The following DPP6 variants were observed in gnomAD, a reference collection of about 807,000 sequenced individuals.
The protein encoded by DPP6 is A-type potassium channel modulatory protein DPP6.
DPP6 carries 69 observed loss-of-function variants against 122.6 expected under a neutral mutation model. The ratio of observed to expected loss-of-function variants is 0.56; its 90% CI spans 0.46 to 0.69. The LOEUF is 0.69. DPP6 is among the 30% of genes least tolerant of loss of function. The pLI, the probability that DPP6 is intolerant of heterozygous loss-of-function variation, is 0.00. For synonymous variants in DPP6, 418 were observed against 433.1 expected, an observed-to-expected ratio of 0.97 and a Z score of 0.43; for missense variants, 928 against 1,116.9, an observed-to-expected ratio of 0.83 and a Z score of 2.41.
chr7:153,780,870 A>G, the DPP6 span, among the ~76,000 whole-genome samples: 1 of 152,128 alleles, frequency 6.6e-6, no homozygotes, highest in African/African-American at 2.4e-5. Context: ...GGCCTTCAAT[A>G]AGAATGTTTT....
chr7:153,795,540 CAAAG>C, the DPP6 span, among the ~76,000 whole-genome samples: 1 of 152,100 alleles, frequency 6.6e-6, no homozygotes, highest in Non-Finnish European at 1.5e-5. Context: ...TGGATCTTCT[CAAAG>C]AACTAGCTTT....
chr7:154,292,693 G>C (rs1249082192), intron 1 of DPP6, among the ~76,000 whole-genome samples: 1 of 152,174 alleles, frequency 6.6e-6, no homozygotes, highest in Non-Finnish European at 1.5e-5. Context: ...AAATGCTTTA[G>C]AATAAAAGGA....
In DPP6 at chr7:154,602,013, T is replaced by A. The variant is rs904901690; in HGVS notation, c.627+35097T>A. Among the ~76,000 whole-genome samples the A allele has an allele frequency of 3.3e-5, 4 of 121,790 alleles. 1 individual carries two copies. Among genetic ancestry groups the A allele is most frequent in the African/African-American group, 1.0e-4 (4 of 38,292 alleles). The allele number at this position is 121,790 out of a possible 152,430, so 79.9% of individuals were successfully genotyped here. On this transcript the variant is annotated intron_variant, in intron 5 of 25. Transcript: ENST00000377770. ...CAAAAGTAATTGTGGTTCTTGCCAGTAAAAGTAATACTTGTTTCTTTATGC... is the reference window on the plus strand; with the variant it reads ...CAAAAGTAATTGTGGTTCTTGCCAGAAAAAGTAATACTTGTTTCTTTATGC...
intron 1 of DPP6, among the ~76,000 whole-genome samples, chr7:154,011,116 G>T (rs1391053137): frequency 6.6e-6 from 1 of 152,006 alleles, no homozygotes; most frequent in Non-Finnish European, 1.5e-5. Flanking sequence ...ATCTGCCCTG[G>T]GCCACAAATA....
chr7:154,671,629 G>A (rs565218206), intron 7 of DPP6, among the ~76,000 whole-genome samples: 2 of 148,572 alleles, frequency 1.3e-5, no homozygotes, highest in African/African-American at 4.9e-5. Flanking sequence ...AGGAGTTGCT[G>A]TGCATGCATA....
intron 1 of DPP6, among the ~76,000 whole-genome samples, chr7:153,914,002 C>G (rs1056391733): frequency 2.0e-5 from 3 of 152,156 alleles, no homozygotes; most frequent in Non-Finnish European, 4.4e-5. Flanking sequence ...TGAAAACTGA[C>G]TTATTTGGTG....
At chr7:153,838,825 A>G in the DPP6 span, among the ~76,000 whole-genome samples, 1 of 152,216 alleles carries the variant, frequency 6.6e-6, no homozygotes, top group South Asian at 2.1e-4. Flanking sequence ...TTAAACTAAA[A>G]TAAAGGAACA....
intron 7 of DPP6, among the ~76,000 whole-genome samples, chr7:154,700,814 C>T (rs146226996): frequency 0.016 from 2,423 of 151,480 alleles, 29 homozygotes; most frequent in Non-Finnish European, 0.026. Flanking sequence ...GTTGACCTAG[C>T]GAAGAAAATG....
the DPP6 span, among the ~76,000 whole-genome samples, chr7:153,798,859 A>C: frequency 1.3e-5 from 2 of 152,186 alleles, no homozygotes; most frequent in Non-Finnish European, 2.9e-5. Context: ...TCTCATAAGG[A>C]TCAGGTATTA....
chr7:154,099,539 C>T (rs1805584764), intron 1 of DPP6, among the ~76,000 whole-genome samples: 1 of 151,724 alleles, frequency 6.6e-6, no homozygotes, highest in Non-Finnish European at 1.5e-5. Context: ...TTCACATTTG[C>T]CCAAATAGCT....
chr7:154,512,401 A>G (rs2129820391), intron 3 of DPP6, among the ~76,000 whole-genome samples: 1 of 152,272 alleles, frequency 6.6e-6, no homozygotes, highest in Non-Finnish European at 1.5e-5. Context: ...GATAATTCTA[A>G]TGGTAATTTT....
chr7:154,419,623 G>T (rs1817294924), intron 1 of DPP6, among the ~76,000 whole-genome samples: 1 of 152,174 alleles, frequency 6.6e-6, no homozygotes, highest in Admixed American at 6.5e-5. Flanking sequence ...TCTCTTGAAG[G>T]GGTTACAGCC....
chr7:154,418,362 A>G (rs1433970248), intron 1 of DPP6, among the ~76,000 whole-genome samples: 1 of 152,244 alleles, frequency 6.6e-6, no homozygotes, highest in Non-Finnish European at 1.5e-5. Context: ...TTGTTTTATT[A>G]ATCTTTGTTT....
intron 1 of DPP6, among the ~76,000 whole-genome samples, chr7:154,074,098 TATAGAG>T (rs1284240142): frequency 1.4e-5 from 1 of 69,350 alleles, no homozygotes; most frequent in Non-Finnish European, 2.9e-5. Context: ...TAGAGATCTA[TATAGAG>T]ATAGAGAGAT....
chr7:154,774,890 G>C (rs1390330720), intron 10 of DPP6, among the ~76,000 whole-genome samples: 1 of 152,204 alleles, frequency 6.6e-6, no homozygotes, highest in African/African-American at 2.4e-5. Flanking sequence ...GTGGAAACGT[G>C]TGGAAGAGGA....
intron 1 of DPP6, among the ~76,000 whole-genome samples, chr7:154,021,382 G>T (rs1798692589): frequency 6.6e-6 from 1 of 152,184 alleles, no homozygotes; most frequent in Non-Finnish European, 1.5e-5. Context: ...GTACTCAGGG[G>T]TGCTGTGCTA....
intron 7 of DPP6, among the ~76,000 whole-genome samples, chr7:154,684,959 ACT>A (rs1325552973): frequency 6.6e-6 from 1 of 152,144 alleles, no homozygotes; most frequent in African/African-American, 2.4e-5. Flanking sequence ...AGATTAGTTG[ACT>A]CTGATAACTC....
At chr7:154,517,611 C>A (rs1826628109) in intron 3 of DPP6, among the ~76,000 whole-genome samples, 1 of 151,758 alleles carries the variant, frequency 6.6e-6, no homozygotes, top group Non-Finnish European at 1.5e-5. Context: ...TTGTTTAGTT[C>A]CTAGCATAAA....
At chr7:154,162,849 A>G (rs1255838801) in intron 1 of DPP6, among the ~76,000 whole-genome samples, 1 of 151,892 alleles carries the variant, frequency 6.6e-6, no homozygotes, top group Admixed American at 6.6e-5. Context: ...ACTAGCATTG[A>G]GTGGAACTTG....
Sources: gnomAD v4.1 joint callset for allele counts (sites outside exome capture counted in the v4.1 genomes callset) on GRCh38, gnomAD v4.1.1 for gene constraint, MANE v1.5 for transcripts, NCBI Gene and HGNC (gene_info 2026-07-23, HGNC 2026-07-21) for gene names.